REL: variants seen among roughly 807,000 people sequenced by gnomAD.
The protein encoded by REL is REL proto-oncogene, NF-kB subunit, also known as proto-oncogene c-Rel.
In REL, 15 loss-of-function variants were observed where a neutral mutation model predicts 45.9. The observed-to-expected ratio is 0.33, with a 90% CI of 0.22 to 0.50. The LOEUF is 0.50. Among genes scored for constraint, REL ranks in the 20% least tolerant of loss-of-function variants. The pLI, the probability that REL is intolerant of heterozygous loss-of-function variation, is 0.98. For missense variants in REL, 601 were observed against 715.2 expected, an observed-to-expected ratio of 0.84 and a Z score of 1.82; for synonymous variants, 239 against 242.1, an observed-to-expected ratio of 0.99 and a Z score of 0.12.
intron 2 of REL, among the ~76,000 whole-genome samples, chr2:60,892,490 G>A (rs990966147): frequency 2.0e-5 from 3 of 152,038 alleles, no homozygotes; most frequent in Non-Finnish European, 2.9e-5. Context: ...GTGCAATGTC[G>A]TGATCTCAGC....
rs1171856069 is a variant in REL at position 60,926,288 on chromosome 2, G to C, written c.*3753G>C. On this transcript the variant is annotated 3_prime_UTR_variant, in exon 10 of 10. Coordinates refer to ENST00000394479, the MANE Select transcript of REL (RefSeq NM_001291746.2). ...TACCACTTGGATGCATTTGCATCCTGACTTCTGAAATGCCTCCAGCCTCCA... is the reference window on the plus strand; with the variant it reads ...TACCACTTGGATGCATTTGCATCCTCACTTCTGAAATGCCTCCAGCCTCCA... 1.7e-5 allele frequency: 4 copies of C among 231,724 alleles called. No homozygotes were observed. Among genetic ancestry groups the C allele is most frequent in the Non-Finnish European group, 2.6e-5 (3 of 117,010 alleles). 14.4% of individuals were successfully genotyped at this position (231,724 alleles called of 1,614,324 possible).
At chr2:60,907,704 T>A (rs1673700744) in intron 4 of REL, among the ~76,000 whole-genome samples, 1 of 151,906 alleles carries the variant, frequency 6.6e-6, no homozygotes, top group Admixed American at 6.6e-5. Flanking sequence ...TTTCTTTTTT[T>A]TTTTTTTACG....
At chr2:60,918,691 A>G in intron 7 of REL, 85 bp downstream of exon 7, 1 of 893,338 alleles carries the variant, frequency 1.1e-6, no homozygotes, top group Non-Finnish European at 1.8e-6. Context: ...ATTTGAGTAC[A>G]GTTATGTATA....
rs571714798 is a variant in REL, at chr2:60,924,658, A to C, written c.*2123A>C. The C allele has an allele frequency of 4.7e-6, 1 of 212,958 alleles. No individual in the cohort carries two copies. Among genetic ancestry groups the C allele is most frequent in the South Asian group, 1.9e-4 (1 of 5,364 alleles). The allele number at this position is 212,958 out of a possible 1,614,324, so 13.2% of individuals were successfully genotyped here. A position where few individuals can be genotyped will look rare whatever the true frequency, so the allele number is the denominator to read the frequency against. On this transcript the variant is annotated 3_prime_UTR_variant, in exon 10 of 10. Coordinates refer to ENST00000394479, the MANE Select transcript of REL (RefSeq NM_001291746.2). ...GTAAAACATTAGAGGTTCATTGAGA[A>C]TCTCTAAATCCATGTTTTGACATTG...
intron 3 of REL, among the ~76,000 whole-genome samples, chr2:60,896,380 A>G (rs1673348164): frequency 6.6e-6 from 1 of 152,204 alleles, no homozygotes; most frequent in African/African-American, 2.4e-5. Flanking sequence ...ATACATATAC[A>G]TGATGTGTAT....
At chr2:60,896,628 T>C (rs971062568) in intron 3 of REL, among the ~76,000 whole-genome samples, 1 of 152,060 alleles carries the variant, frequency 6.6e-6, no homozygotes, top group Non-Finnish European at 1.5e-5. Context: ...CAAAAGAAAA[T>C]ATCTAGTATT....
rs144232562 is a variant in REL at position 60,881,737 on chromosome 2, G to A, written c.-104G>A. 2.5e-3 allele frequency: 2,628 copies of A among 1,053,192 alleles called. 29 individuals carry two copies. Among genetic ancestry groups the A allele is most frequent in the Non-Finnish European group, 1.2e-3 (882 of 723,240 alleles). The allele number at this position is 1,053,192 out of a possible 1,614,324, so 65.2% of individuals were successfully genotyped here. On this transcript the variant is annotated 5_prime_UTR_variant, in exon 1 of 10. Coordinates refer to ENST00000394479, the MANE Select transcript of REL (RefSeq NM_001291746.2). ...GCCTCTAGGGTGGTCGGGGGACTGG[G>A]GGCCCCGCCGGCAGAGGTCCCTCGG... is the stretch of plus-strand genomic sequence containing the variant.
intron 4 of REL, among the ~76,000 whole-genome samples, chr2:60,902,602 T>A (rs899152355): frequency 6.6e-6 from 1 of 150,966 alleles, no homozygotes; most frequent in African/African-American, 2.4e-5. Context: ...CATCTTTTTT[T>A]TTTTTTTTTT....
rs1244769193 is a variant in REL at position 60,894,535 on chromosome 2, A to C, written c.292A>C (p.Arg98=). 1.9e-6 allele frequency: 3 copies of C among 1,599,706 alleles called. No homozygotes were observed. Among genetic ancestry groups the C allele is most frequent in the Non-Finnish European group, 2.6e-6 (3 of 1,173,698 alleles). Reference sequence around the variant, plus strand: ...TGAAGCAGAATTTGGACAAGAACGCAGACCTTTGTTGTAAGTACACAGTTA... The same window carrying C: ...TGAAGCAGAATTTGGACAAGAACGCCGACCTTTGTTGTAAGTACACAGTTA... ...YYEAEFGQER[R]PLFFQNLGIR... is the part of the protein sequence containing the mutation. Residue 98 remains arginine (R), a synonymous_variant, in exon 3 of 10, where the codon AGA becomes CGA. Transcript: ENST00000394479.
At chr2:60,916,734 G>C in intron 4 of REL, 143 bp from the exon 5 acceptor site, 2 of 486,478 alleles carry the variant, frequency 4.1e-6, no homozygotes, top group Non-Finnish European at 7.2e-6. Flanking sequence ...AGGCATTCTT[G>C]AGATTGTATA....
chr2:60,915,881 C>T (rs976004802), intron 4 of REL, among the ~76,000 whole-genome samples: 3 of 152,168 alleles, frequency 2.0e-5, no homozygotes, highest in South Asian at 2.1e-4. Context: ...TAAGTTTGCA[C>T]GTAAAATTTC....
chr2:60,918,974 G>A (rs1674058066), intron 7 of REL, among the ~76,000 whole-genome samples: 1 of 152,064 alleles, frequency 6.6e-6, no homozygotes, highest in Admixed American at 6.5e-5. Flanking sequence ...TGTATTTTTA[G>A]TAGAGACAGG....
chr2:60,927,748 C>G lies in REL; in HGVS notation c.*5213C>G, dbSNP rs141997505. On this transcript the variant is annotated 3_prime_UTR_variant, in exon 10 of 10. Coordinates refer to ENST00000394479, the MANE Select transcript of REL (RefSeq NM_001291746.2). ...AGGATAACACATGTAGAGTAAAATG[C>G]ATAAAGGGGACTAATTTTAAATGTA... 4.4e-6 allele frequency: 1 copy of G among 229,042 alleles called. No homozygotes were observed. Among genetic ancestry groups the G allele is most frequent in the Non-Finnish European group, 8.7e-6 (1 of 115,384 alleles). The allele number at this position is 229,042 out of a possible 1,614,324, so 14.2% of individuals were successfully genotyped here.
chr2:60,911,859 G>A (rs962218996), intron 4 of REL, among the ~76,000 whole-genome samples: 18 of 151,892 alleles, frequency 1.2e-4, no homozygotes, highest in South Asian at 6.2e-4. Context: ...TTAGCTGGGC[G>A]TGGTGGCACA....
intron 3 of REL, chr2:60,899,532 A>T (rs1236977916): frequency 6.6e-6 from 1 of 152,310 alleles, no homozygotes; most frequent in East Asian, 1.9e-4. Context: ...GAGGCAGAGG[A>T]AGGAAATGTG....
At chr2:60,905,482 A>G (rs1320806702) in intron 4 of REL, among the ~76,000 whole-genome samples, 1 of 152,214 alleles carries the variant, frequency 6.6e-6, no homozygotes, top group East Asian at 1.9e-4. Context: ...TTAAAAATGT[A>G]GATTTCAGGC....
intron 4 of REL, among the ~76,000 whole-genome samples, chr2:60,901,398 G>GT (rs1038123392): frequency 5.3e-5 from 8 of 152,086 alleles, no homozygotes; most frequent in African/African-American, 1.9e-4. Context: ...CTGACATCAG[G>GT]TGATCTACCC....
At chr2:60,900,501 C>A (rs1276550253) in intron 3 of REL, 3 of 153,114 alleles carry the variant, frequency 2.0e-5, no homozygotes, top group African/African-American at 7.3e-5. Context: ...TTTCTTTTAA[C>A]AGTTCTTAGA....
chr2:60,910,198 G>A (rs1356717932), intron 4 of REL, among the ~76,000 whole-genome samples: 1 of 152,028 alleles, frequency 6.6e-6, no homozygotes, highest in East Asian at 1.9e-4. Flanking sequence ...GGGCACGGTG[G>A]CTCACACCTG....
Sources: gnomAD v4.1 joint callset for allele counts (sites outside exome capture counted in the v4.1 genomes callset) on GRCh38, gnomAD v4.1.1 for gene constraint, MANE v1.5 for transcripts, NCBI Gene and HGNC (gene_info 2026-07-23, HGNC 2026-07-21) for gene names.